The following MRTFA variants were observed in gnomAD, a reference collection of about 807,000 sequenced individuals.
MRTFA encodes myocardin related transcription factor A.
A neutral mutation model predicts 83.5 loss-of-function variants in MRTFA; 20 were observed. That is an observed-to-expected ratio of 0.24 (90% CI 0.17 to 0.35). The LOEUF (loss-of-function observed/expected upper bound fraction) is 0.35, where lower values mean the gene tolerates loss of function less well. Ranked by LOEUF, MRTFA falls within the 10% of genes least tolerant of loss-of-function variation. The probability of loss-of-function intolerance (pLI) is 1.00; values close to 1 mark genes in which losing one functional copy is unlikely to be tolerated. For synonymous variants in MRTFA, 659 were observed against 541.2 expected, an observed-to-expected ratio of 1.22 and a Z score of -3.02; for missense variants, 1,200 against 1,224.7, an observed-to-expected ratio of 0.98 and a Z score of 0.30.
At chr22:40,459,822 C>CACATATACATATATAT (rs1308675939) in intron 4 of MRTFA, among the ~76,000 whole-genome samples, 30 of 68,242 alleles carry the variant, frequency 4.4e-4, no homozygotes, top group African/African-American at 1.7e-3. Context: ...CACACACACA[C>CACATATACATATATAT]ATATATACAT....
At chr22:40,554,511 G>C (rs1215295037) in intron 2 of MRTFA, among the ~76,000 whole-genome samples, 8 of 152,084 alleles carry the variant, frequency 5.3e-5, no homozygotes, top group Admixed American at 5.2e-4. Flanking sequence ...ACTTCTTCCT[G>C]CCACCTTGTG....
chr22:40,464,623 A>C lies in MRTFA; in HGVS notation c.242-1337T>G, dbSNP rs529433602. On this transcript the variant is annotated intron_variant, in intron 3 of 14. Coordinates refer to ENST00000355630, the MANE Select transcript of MRTFA (RefSeq NM_020831.6). The stretch of plus-strand genomic sequence containing the variant: ...AAGTCTTCAGGTGTAGGGGCCTTCC[A>C]AGTCACATCTGAGAGGAACCAGAAT... Among the ~76,000 whole-genome samples the C allele has an allele frequency of 2.6e-5, 4 of 152,238 alleles. No homozygotes were observed. In the South Asian group the frequency reaches 8.3e-4, roughly 32 times the overall value.
At chr22:40,462,621 T>C (rs2053735143) in intron 4 of MRTFA, among the ~76,000 whole-genome samples, 1 of 152,234 alleles carries the variant, frequency 6.6e-6, no homozygotes, top group African/African-American at 2.4e-5. Flanking sequence ...ATTTCCTTAC[T>C]TCTAACAGAT....
chr22:40,549,586 G>A (rs2055414754), intron 3 of MRTFA, among the ~76,000 whole-genome samples: 1 of 152,170 alleles, frequency 6.6e-6, no homozygotes, highest in African/African-American at 2.4e-5. Context: ...GAAGCACAAG[G>A]TGGGGAAAGT....
At chr22:40,510,636 C>G (rs1039801688) in intron 3 of MRTFA, among the ~76,000 whole-genome samples, 5 of 151,990 alleles carry the variant, frequency 3.3e-5, no homozygotes, top group Non-Finnish European at 7.4e-5. Flanking sequence ...ACTGGCAATA[C>G]AGAAATTGGA....
intron 3 of MRTFA, among the ~76,000 whole-genome samples, chr22:40,470,231 TTATATA>T (rs71328709): frequency 0.019 from 879 of 45,384 alleles, 16 homozygotes; most frequent in Non-Finnish European, 0.023. Flanking sequence ...CTCCAAAATT[TTATATA>T]TATATATATA....
rs182676344 is a variant in MRTFA, at chr22:40,465,437, C to T, written c.242-2151G>A. On this transcript the variant is annotated intron_variant, in intron 3 of 14. Transcript: ENST00000355630. ...AGAACAAAGCCTTGGAGAACTAAAT[C>T]GATAAAAACAGCAGGAGCTACAATA... 9.1e-4 allele frequency among the ~76,000 whole-genome samples: 138 copies of T among 152,242 alleles called. 1 individual carries two copies. The Middle Eastern group carries it at 0.02, about 23-fold the overall frequency.
At chr22:40,581,703 A>C (rs1224116307) in intron 2 of MRTFA, among the ~76,000 whole-genome samples, 1 of 152,174 alleles carries the variant, frequency 6.6e-6, no homozygotes, top group Non-Finnish European at 1.5e-5. Context: ...ATGGAATTTT[A>C]CATCTAACAT....
intron 1 of MRTFA, among the ~76,000 whole-genome samples, chr22:40,615,355 A>G (rs946794982): frequency 5.9e-5 from 9 of 152,240 alleles, no homozygotes; most frequent in African/African-American, 2.2e-4. Flanking sequence ...ACTGGTAAAT[A>G]CTGCATTGTC....
Position 40,411,307 on chromosome 22 carries a change from G to T in MRTFA, c.*83C>A. 1 of 1,405,840 alleles carries T rather than the reference G, an allele frequency of 7.1e-7. No individual in the cohort carries two copies. The highest frequency in any genetic ancestry group is 2.2e-4 in the Middle Eastern group (1 of 4,592). The allele number at this position is 1,405,840 out of a possible 1,614,324, so 87.1% of individuals were successfully genotyped here. On this transcript the variant is annotated 3_prime_UTR_variant, in exon 15 of 15. Transcript: ENST00000355630. ...GATTGTCAAGACTCACAACCATGTG[G>T]AGAGGCCGAATCACGCAGGAGAGCC... is the stretch of plus-strand genomic sequence containing the variant.
intron 12 of MRTFA, chr22:40,417,873 T>C: frequency 3.9e-6 from 1 of 255,638 alleles, no homozygotes; most frequent in Non-Finnish European, 7.6e-6. Flanking sequence ...CGAGGCTACA[T>C]AAAGCCTTAG....
chr22:40,488,994 T>C (rs893315444), intron 3 of MRTFA, among the ~76,000 whole-genome samples: 4 of 151,968 alleles, frequency 2.6e-5, no homozygotes, highest in African/African-American at 4.8e-5. Context: ...GTATCAGAGG[T>C]TGTATAAAAT....
At chr22:40,457,915 T>C (rs977298727) in intron 4 of MRTFA, among the ~76,000 whole-genome samples, 1 of 152,354 alleles carries the variant, frequency 6.6e-6, no homozygotes, top group East Asian at 1.9e-4. Flanking sequence ...CTTCCATGTT[T>C]TCCTTTGAAA....
At chr22:40,579,691 C>T (rs2055917261) in intron 2 of MRTFA, among the ~76,000 whole-genome samples, 1 of 152,090 alleles carries the variant, frequency 6.6e-6, no homozygotes, top group Non-Finnish European at 1.5e-5. Flanking sequence ...GAAACCCCGT[C>T]TCTACTAAAA....
chr22:40,621,200 A>G (rs2056519186), intron 1 of MRTFA, among the ~76,000 whole-genome samples: 1 of 150,348 alleles, frequency 6.7e-6, no homozygotes, highest in Admixed American at 6.6e-5. Flanking sequence ...AAAAAAAAAG[A>G]AGAAGAAGAC....
chr22:40,632,552 T>TA (rs1277370307), intron 1 of MRTFA, among the ~76,000 whole-genome samples: 2 of 151,982 alleles, frequency 1.3e-5, no homozygotes, highest in Non-Finnish European at 2.9e-5. Context: ...TCTCATGCCT[T>TA]AGCCTCCTGA....
chr22:40,430,066 C>A (rs2053036601), intron 6 of MRTFA, among the ~76,000 whole-genome samples: 1 of 152,150 alleles, frequency 6.6e-6, no homozygotes, highest in Admixed American at 6.5e-5. Flanking sequence ...AGAATGGTCT[C>A]CACTCTCCCT....
intron 4 of MRTFA, among the ~76,000 whole-genome samples, chr22:40,459,824 T>C (rs200000036): frequency 0.011 from 609 of 56,268 alleles, 5 homozygotes; most frequent in African/African-American, 0.032. Flanking sequence ...CACACACACA[T>C]ATATACATAT....
intron 1 of MRTFA, among the ~76,000 whole-genome samples, chr22:40,625,479 AAATAAATAAATAAAT>A (rs1281424575): frequency 2.2e-4 from 34 of 151,334 alleles, no homozygotes; most frequent in African/African-American, 7.5e-4. Flanking sequence ...ATAAATAAAT[AAATAAATAAATAAAT>A]AAGGCCTGGC....
Sources: allele counts gnomAD v4.1 joint callset (sites outside exome capture counted in the v4.1 genomes callset), GRCh38; gene constraint gnomAD v4.1.1; transcripts MANE v1.5; gene names NCBI Gene and HGNC (gene_info 2026-07-23, HGNC 2026-07-21).